The following ERBB4 variants were observed in gnomAD, a reference collection of about 807,000 sequenced individuals.
ERBB4 encodes erb-b2 receptor tyrosine kinase 4.
A neutral mutation model predicts 158.0 loss-of-function variants in ERBB4; 42 were observed. The observed-to-expected ratio is 0.27, with a 90% CI of 0.21 to 0.34. ERBB4 has a LOEUF of 0.34. Ranked by LOEUF, ERBB4 falls within the 10% of genes least tolerant of loss-of-function variation. The pLI, the probability that ERBB4 is intolerant of heterozygous loss-of-function variation, is 1.00. For synonymous variants in ERBB4, 583 were observed against 558.7 expected (o/e 1.04, Z -0.61); for missense variants, 1,333 against 1,624.1 (o/e 0.82, Z 3.08).
chr2:212,249,984 C>T (rs1422740041), intron 1 of ERBB4, among the ~76,000 whole-genome samples: 1 of 151,986 alleles, frequency 6.6e-6, no homozygotes, highest in African/African-American at 2.4e-5. Context: ...TAGATACCCA[C>T]CTGATACCGT....
chr2:211,592,486 T>G (rs2068503452), intron 19 of ERBB4, among the ~76,000 whole-genome samples: 1 of 152,194 alleles, frequency 6.6e-6, no homozygotes, highest in African/African-American at 2.4e-5. Flanking sequence ...ATGTGTTATT[T>G]ATATTGTAAA....
chr2:212,530,825 A>G (rs2106341846), intron 1 of ERBB4, among the ~76,000 whole-genome samples: 1 of 152,328 alleles, frequency 6.6e-6, no homozygotes, highest in South Asian at 2.1e-4. Context: ...TAGCAGGTGA[A>G]ACCGATTGTT....
intron 25 of ERBB4, 48 bp from the exon 26 acceptor site, chr2:211,388,040 G>A (rs2062723823): frequency 7.4e-7 from 1 of 1,344,738 alleles, no homozygotes; most frequent in Non-Finnish European, 1.1e-6. Flanking sequence ...GAGGCAATAT[G>A]AATGAAAAAA....
At position 211,600,944 on chromosome 2, in the gene ERBB4, G is replaced by T. The variant is rs547590529; in HGVS notation, c.2301+18233C>A. Among the ~76,000 whole-genome samples, 11 of 152,100 alleles carry T rather than the reference G, an allele frequency of 7.2e-5. No homozygotes were observed. The South Asian group carries it at 1.7e-3, about 23-fold the overall frequency. On this transcript the variant is annotated intron_variant, in intron 19 of 27. Transcript: ENST00000342788. Reference sequence around the variant, plus strand: ...AACTCAAACAAATGGTCACACACCTGCTCACAGTAAAGTTCAAATCAACAG... The same window carrying T: ...AACTCAAACAAATGGTCACACACCTTCTCACAGTAAAGTTCAAATCAACAG...
chr2:211,616,610 A>G (rs1285616465), intron 19 of ERBB4, among the ~76,000 whole-genome samples: 1 of 152,170 alleles, frequency 6.6e-6, no homozygotes, highest in African/African-American at 2.4e-5. Flanking sequence ...TATGAAATAT[A>G]GGCTTATGTT....
intron 1 of ERBB4, among the ~76,000 whole-genome samples, chr2:212,224,881 G>T (rs2083422405): frequency 6.6e-6 from 1 of 151,908 alleles, no homozygotes; most frequent in African/African-American, 2.4e-5. Flanking sequence ...TTAAGAATTT[G>T]TTGAGTCATA....
At chr2:211,861,350 G>GT (rs67133944) in intron 3 of ERBB4, among the ~76,000 whole-genome samples, 70 of 88,962 alleles carry the variant, frequency 7.9e-4, no homozygotes, top group South Asian at 7.4e-3. Flanking sequence ...TTTTTTTTTT[G>GT]TTTTTTTTTT....
rs1019405492 is a variant in ERBB4 at position 211,943,114 on chromosome 2, A to G, written c.421+4316T>C. ...ATTTATGAAAGATTCCTTTATATCTACAATATAATATATAGATTAAATTGT... is the reference window on the plus strand; with the variant it reads ...ATTTATGAAAGATTCCTTTATATCTGCAATATAATATATAGATTAAATTGT... On this transcript the variant is annotated intron_variant, in intron 3 of 27. Coordinates refer to ENST00000342788, the MANE Select transcript of ERBB4 (RefSeq NM_005235.3). Among the ~76,000 whole-genome samples, 18 of 152,250 alleles carry G rather than the reference A, an allele frequency of 1.2e-4. No individual in the cohort carries two copies. The East Asian group carries it at 3.3e-3, about 28-fold the overall frequency.
intron 3 of ERBB4, among the ~76,000 whole-genome samples, chr2:211,900,025 C>T (rs984605315): frequency 1.1e-4 from 17 of 152,250 alleles, no homozygotes; most frequent in African/African-American, 3.1e-4. Context: ...TTTAATGCCA[C>T]TCTTCCATCA....
intron 1 of ERBB4, among the ~76,000 whole-genome samples, chr2:212,385,904 A>G (rs1039465956): frequency 3.3e-5 from 5 of 151,930 alleles, no homozygotes; most frequent in Non-Finnish European, 7.4e-5. Flanking sequence ...CTATTGTTTT[A>G]TCCACATTAA....
chr2:211,627,587 G>C (rs957735211), intron 17 of ERBB4, among the ~76,000 whole-genome samples: 1 of 152,074 alleles, frequency 6.6e-6, no homozygotes, highest in Non-Finnish European at 1.5e-5. Flanking sequence ...ATTCATTATC[G>C]GTATGCAAAA....
chr2:211,618,084 G>C (rs2069462046), intron 19 of ERBB4, among the ~76,000 whole-genome samples: 1 of 151,830 alleles, frequency 6.6e-6, no homozygotes, highest in Non-Finnish European at 1.5e-5. Context: ...TTTACTCATA[G>C]TTGGAGTTTT....
At chr2:211,435,178 A>G (rs2125440806) in intron 20 of ERBB4, among the ~76,000 whole-genome samples, 2 of 152,322 alleles carry the variant, frequency 1.3e-5, no homozygotes, top group South Asian at 2.1e-4. Context: ...TTCAAGATGA[A>G]CAAATAAAGG....
chr2:211,890,381 G>A (rs2078930636), intron 3 of ERBB4, among the ~76,000 whole-genome samples: 1 of 146,492 alleles, frequency 6.8e-6, no homozygotes, highest in Non-Finnish European at 1.5e-5. Flanking sequence ...CACTAGGCCT[G>A]CCCTAAAAGA....
At chr2:212,254,515 G>A (rs1025616716) in intron 1 of ERBB4, among the ~76,000 whole-genome samples, 2 of 152,102 alleles carry the variant, frequency 1.3e-5, no homozygotes, top group Admixed American at 1.3e-4. Context: ...GGCTCAATCT[G>A]CTCTACCGTG....
At chr2:211,771,748 G>A (rs1265065604) in intron 4 of ERBB4, among the ~76,000 whole-genome samples, 1 of 152,010 alleles carries the variant, frequency 6.6e-6, no homozygotes, top group Non-Finnish European at 1.5e-5. Context: ...TTCAGCATTT[G>A]CTCACAAGAG....
chr2:211,474,569 A>G (rs1037964047), intron 20 of ERBB4, among the ~76,000 whole-genome samples: 4 of 152,108 alleles, frequency 2.6e-5, no homozygotes, highest in Non-Finnish European at 5.9e-5. Context: ...AGTTCCATTT[A>G]CCAAGGAGTG....
At chr2:212,102,380 C>T (rs1447288367) in intron 2 of ERBB4, among the ~76,000 whole-genome samples, 2 of 151,698 alleles carry the variant, frequency 1.3e-5, no homozygotes, top group East Asian at 1.9e-4. Flanking sequence ...TTGACCATAA[C>T]GTGTTGATAT....
chr2:211,696,421 C>T (rs1336266234), intron 12 of ERBB4, among the ~76,000 whole-genome samples: 2 of 151,888 alleles, frequency 1.3e-5, no homozygotes, highest in Non-Finnish European at 2.9e-5. Flanking sequence ...ATGTATAGCA[C>T]TTTCTTTGAG....
Sources: gnomAD v4.1 joint callset for allele counts (sites outside exome capture counted in the v4.1 genomes callset) on GRCh38, gnomAD v4.1.1 for gene constraint, MANE v1.5 for transcripts, NCBI Gene and HGNC (gene_info 2026-07-23, HGNC 2026-07-21) for gene names.